The following SPOCK1 variants were observed in gnomAD, a reference collection of about 807,000 sequenced individuals.
SPOCK1 encodes the protein SPARC (osteonectin), cwcv and kazal like domains proteoglycan 1, also known as testican-1.
In SPOCK1, 23 loss-of-function variants were observed where a neutral mutation model predicts 55.3. That is an observed-to-expected ratio of 0.42 (90% confidence interval 0.30 to 0.59). The LOEUF (loss-of-function observed/expected upper bound fraction) is 0.59, where lower values mean the gene tolerates loss of function less well. Ranked by LOEUF, SPOCK1 falls within the 20% of genes least tolerant of loss-of-function variation. The pLI, the probability that SPOCK1 is intolerant of heterozygous loss-of-function variation, is 0.22. For synonymous variants in SPOCK1, 226 were observed against 221.0 expected, an observed-to-expected ratio of 1.02 and a Z score of -0.20; for missense variants, 499 against 552.5, an observed-to-expected ratio of 0.90 and a Z score of 0.97.
chr5:137,054,364 A>G (rs1300624623), intron 6 of SPOCK1, among the ~76,000 whole-genome samples: 1 of 152,246 alleles, frequency 6.6e-6, no homozygotes, highest in African/African-American at 2.4e-5. Flanking sequence ...AAGTCTTATC[A>G]TATATAATTG....
intron 2 of SPOCK1, among the ~76,000 whole-genome samples, chr5:137,351,179 G>A (rs956451249): frequency 2.6e-5 from 4 of 152,342 alleles, no homozygotes; most frequent in Middle Eastern, 3.4e-3. Flanking sequence ...AGCATGCTGG[G>A]TTGGAAAGGT....
At chr5:137,211,094 C>T (rs1367641755) in intron 3 of SPOCK1, among the ~76,000 whole-genome samples, 2 of 152,180 alleles carry the variant, frequency 1.3e-5, no homozygotes, top group Non-Finnish European at 2.9e-5. Context: ...AATGATAGTT[C>T]TAAGAGAAAC....
intron 5 of SPOCK1, among the ~76,000 whole-genome samples, chr5:137,098,774 C>T (rs1030773812): frequency 2.0e-5 from 3 of 152,208 alleles, no homozygotes; most frequent in African/African-American, 2.4e-5. Flanking sequence ...GACTTTGCAT[C>T]GTTTATTCTT....
intron 5 of SPOCK1, among the ~76,000 whole-genome samples, chr5:137,102,768 G>A (rs1753294225): frequency 6.6e-6 from 1 of 152,028 alleles, no homozygotes; most frequent in African/African-American, 2.4e-5. Context: ...TTTCAATTTA[G>A]GACTGACAAT....
At chr5:137,157,616 A>G (rs927826410) in intron 3 of SPOCK1, among the ~76,000 whole-genome samples, 2 of 152,144 alleles carry the variant, frequency 1.3e-5, no homozygotes, top group Admixed American at 6.5e-5. Context: ...AGGCTTCTAC[A>G]TGGTTTCTCT....
chr5:137,397,454 T>C (rs1247220331), intron 2 of SPOCK1, among the ~76,000 whole-genome samples: 3 of 152,184 alleles, frequency 2.0e-5, no homozygotes, highest in Non-Finnish European at 4.4e-5. Flanking sequence ...TCCTTAAAAA[T>C]CTTAAGGACA....
chr5:137,447,170 C>A (rs150603915), intron 2 of SPOCK1, among the ~76,000 whole-genome samples: 1 of 152,308 alleles, frequency 6.6e-6, no homozygotes, highest in Non-Finnish European at 1.5e-5. Flanking sequence ...GCAGAAATGT[C>A]TGTTTTGAAC....
At chr5:137,418,651 TG>T (rs1405374030) in intron 2 of SPOCK1, among the ~76,000 whole-genome samples, 16 of 152,212 alleles carry the variant, frequency 1.1e-4, no homozygotes, top group African/African-American at 2.9e-4. Context: ...TTGATGGGGT[TG>T]TTTTTTTCTT....
chr5:137,165,929 G>A (rs776915865), intron 3 of SPOCK1, among the ~76,000 whole-genome samples: 8 of 152,098 alleles, frequency 5.3e-5, no homozygotes, highest in South Asian at 2.1e-4. Flanking sequence ...AAATAGCCTC[G>A]AAAGGGCACA....
chr5:137,270,395 A>G (rs1174499172), intron 2 of SPOCK1, among the ~76,000 whole-genome samples: 4 of 152,170 alleles, frequency 2.6e-5, no homozygotes, highest in Non-Finnish European at 5.9e-5. Flanking sequence ...CCATTAATGC[A>G]TTCCACAGGT....
intron 4 of SPOCK1, among the ~76,000 whole-genome samples, chr5:137,132,181 A>G (rs1240952912): frequency 6.8e-6 from 1 of 146,348 alleles, no homozygotes; most frequent in Non-Finnish European, 1.5e-5. Context: ...TCTCAAAAAA[A>G]AAAAAAAAAA....
intron 3 of SPOCK1, among the ~76,000 whole-genome samples, chr5:137,211,446 C>T (rs78785450): frequency 0.065 from 9,834 of 152,272 alleles, 382 homozygotes; most frequent in South Asian, 0.14. Flanking sequence ...GCTCCTAAAA[C>T]TCTTATGGAT....
chr5:137,303,818 C>G (rs544301312), intron 2 of SPOCK1, among the ~76,000 whole-genome samples: 1 of 152,212 alleles, frequency 6.6e-6, no homozygotes, highest in South Asian at 2.1e-4. Context: ...AGGCGTGTGA[C>G]GCCTGGGACC....
intron 2 of SPOCK1, among the ~76,000 whole-genome samples, chr5:137,358,549 G>A (rs1396843448): frequency 1.3e-5 from 2 of 149,918 alleles, no homozygotes; most frequent in Admixed American, 6.6e-5. Context: ...AGAGGGGAAG[G>A]TGGAGGGGAA....
intron 2 of SPOCK1, among the ~76,000 whole-genome samples, chr5:137,348,105 G>A (rs1750599473): frequency 6.6e-6 from 1 of 152,176 alleles, no homozygotes; most frequent in South Asian, 2.1e-4. Flanking sequence ...GGCCAAGTTT[G>A]TCTTGTTCAC....
intron 2 of SPOCK1, among the ~76,000 whole-genome samples, chr5:137,414,441 C>T (rs1423676493): frequency 1.3e-5 from 2 of 152,168 alleles, no homozygotes; most frequent in Non-Finnish European, 2.9e-5. Context: ...TTCACTTATT[C>T]AGTAGAATAA....
chr5:137,091,236 C>A (rs1488112492), intron 5 of SPOCK1, among the ~76,000 whole-genome samples: 2 of 152,200 alleles, frequency 1.3e-5, no homozygotes, highest in African/African-American at 4.8e-5. Flanking sequence ...CTCCATCCCA[C>A]CCTTCCACCA....
At chr5:137,015,941 G>A (rs954178974) in intron 6 of SPOCK1, among the ~76,000 whole-genome samples, 10 of 152,166 alleles carry the variant, frequency 6.6e-5, no homozygotes, top group South Asian at 2.1e-4. Context: ...CCTAGCCAGC[G>A]TAGAGAAGTG....
At chr5:137,326,786 A>G (rs892785585) in intron 2 of SPOCK1, among the ~76,000 whole-genome samples, 1 of 152,180 alleles carries the variant, frequency 6.6e-6, no homozygotes, top group African/African-American at 2.4e-5. Flanking sequence ...GAAAAATACT[A>G]TTTGACTGTT....
Sources: allele counts gnomAD v4.1 joint callset (sites outside exome capture counted in the v4.1 genomes callset), GRCh38; gene constraint gnomAD v4.1.1; transcripts MANE v1.5; gene names NCBI Gene and HGNC (gene_info 2026-07-23, HGNC 2026-07-21).